The following CCDC148 variants were observed in gnomAD, a reference collection of about 807,000 sequenced individuals.
CCDC148 encodes the protein coiled-coil domain-containing protein 148.
In CCDC148, 89 loss-of-function variants were observed where a neutral mutation model predicts 85.7. The ratio of observed to expected loss-of-function variants is 1.04; its 90% CI spans 0.87 to 1.24. The LOEUF (loss-of-function observed/expected upper bound fraction) is 1.24, where lower values mean the gene tolerates loss of function less well. Among genes scored for constraint, CCDC148 ranks in the 50% most tolerant of loss-of-function variants. CCDC148 has a pLI of 0.00. For synonymous variants in CCDC148, 230 were observed against 213.9 expected, an observed-to-expected ratio of 1.08 and a Z score of -0.66; for missense variants, 692 against 671.7, an observed-to-expected ratio of 1.03 and a Z score of -0.33.
At chr2:158,434,280 G>A (rs114133884) in intron 1 of CCDC148, among the ~76,000 whole-genome samples, 11,353 of 152,264 alleles carry the variant, frequency 0.075, 558 homozygotes, top group Middle Eastern at 0.11. Flanking sequence ...GTGTCCAGAA[G>A]AAGGATCAGG....
Position 158,431,937 on chromosome 2 carries a change from T to G in CCDC148, c.25+24478A>C, listed in dbSNP as rs1687372776. Among the ~76,000 whole-genome samples the G allele has an allele frequency of 2.0e-5, 3 of 151,028 alleles. No homozygotes were observed. The South Asian group carries it at 6.3e-4, about 32-fold the overall frequency. On this transcript the variant is annotated intron_variant, in intron 1 of 13. Transcript: ENST00000283233. ...GGGCAACAGAGCAAGAAAAAAAAAATGATACCAGATGGAAAAAATATGTAG... is the reference window on the plus strand; with the variant it reads ...GGGCAACAGAGCAAGAAAAAAAAAAGGATACCAGATGGAAAAAATATGTAG...
chr2:158,440,144 C>T (rs1342273197), intron 1 of CCDC148, among the ~76,000 whole-genome samples: 1 of 152,042 alleles, frequency 6.6e-6, no homozygotes, highest in Admixed American at 6.6e-5. Flanking sequence ...GCTGAGATTA[C>T]AGGTGTGAGG....
At chr2:158,369,435 T>C (rs1340846304) in intron 1 of CCDC148, among the ~76,000 whole-genome samples, 2 of 152,160 alleles carry the variant, frequency 1.3e-5, no homozygotes, top group African/African-American at 2.4e-5. Flanking sequence ...TTTGTAGCAA[T>C]TGTGAATGGG....
In CCDC148 at chr2:158,250,732, GCATT is replaced by G. The variant is rs750948376; in HGVS notation, c.1251+36_1251+39del. The G allele has an allele frequency of 3.5e-5, 53 of 1,500,628 alleles. 1 individual carries two copies. In the South Asian group the frequency reaches 6.9e-4, roughly 20 times the overall value. 93.0% of individuals were successfully genotyped at this position (1,500,628 alleles called of 1,614,324 possible). ...CCAAAAAGCTCAATCAGGCCATTAAGCATTCATTCACACATTCGTATTGACAATA... is the reference window on the plus strand; with the variant it reads ...CCAAAAAGCTCAATCAGGCCATTAAGCATTCACACATTCGTATTGACAATA... On this transcript the variant is annotated intron_variant, in intron 10 of 13. Transcript: ENST00000283233.
chr2:158,413,817 G>A (rs2105316912), intron 1 of CCDC148, among the ~76,000 whole-genome samples: 1 of 152,216 alleles, frequency 6.6e-6, no homozygotes, highest in East Asian at 1.9e-4. Flanking sequence ...TGTCCCTTGG[G>A]CTGTAATTTG....
intron 9 of CCDC148, among the ~76,000 whole-genome samples, chr2:158,308,185 A>G (rs1375891042): frequency 2.0e-5 from 3 of 152,218 alleles, no homozygotes; most frequent in Non-Finnish European, 4.4e-5. Context: ...CCTAAAGTGC[A>G]CTTGTGCACT....
chr2:158,286,825 A>C (rs1238794467), intron 9 of CCDC148, among the ~76,000 whole-genome samples: 1 of 152,232 alleles, frequency 6.6e-6, no homozygotes, highest in Non-Finnish European at 1.5e-5. Flanking sequence ...CATTAAAAAA[A>C]ACAAGTCTAG....
At chr2:158,417,380 C>G (rs1686548499) in intron 1 of CCDC148, among the ~76,000 whole-genome samples, 1 of 152,230 alleles carries the variant, frequency 6.6e-6, no homozygotes, top group African/African-American at 2.4e-5. Flanking sequence ...AGCTGATGGA[C>G]AGCCCCAGCT....
At chr2:158,400,494 C>T (rs1180933769) in intron 1 of CCDC148, among the ~76,000 whole-genome samples, 12 of 152,066 alleles carry the variant, frequency 7.9e-5, no homozygotes, top group South Asian at 2.1e-4. Flanking sequence ...CTGGGAAAAC[C>T]GGCTAACCAT....
chr2:158,209,773 T>C (rs138452848), intron 11 of CCDC148, among the ~76,000 whole-genome samples: 2,355 of 152,298 alleles, frequency 0.015, 65 homozygotes, highest in African/African-American at 0.049. Flanking sequence ...TGAGAGATTC[T>C]GTCACCACCA....
chr2:158,390,275 A>G (rs1385218728), intron 1 of CCDC148, among the ~76,000 whole-genome samples: 1 of 152,156 alleles, frequency 6.6e-6, no homozygotes, highest in Non-Finnish European at 1.5e-5. Flanking sequence ...TCTTCAGTCA[A>G]GACAAAGGGA....
At chr2:158,433,761 G>T (rs1288162338) in intron 1 of CCDC148, among the ~76,000 whole-genome samples, 1 of 152,130 alleles carries the variant, frequency 6.6e-6, no homozygotes, top group Non-Finnish European at 1.5e-5. Context: ...GGAAAATCAG[G>T]ACACTCACAT....
intron 11 of CCDC148, among the ~76,000 whole-genome samples, chr2:158,201,593 G>A (rs1315322249): frequency 6.6e-6 from 1 of 151,680 alleles, no homozygotes; most frequent in African/African-American, 2.4e-5. Context: ...TCTATTTTTT[G>A]TAGACACAGG....
intron 7 of CCDC148, among the ~76,000 whole-genome samples, chr2:158,328,823 T>C (rs1264846308): frequency 1.3e-5 from 2 of 152,238 alleles, no homozygotes; most frequent in East Asian, 1.9e-4. Context: ...TTTTGAGAAG[T>C]GTCTGTTCAT....
At chr2:158,318,458 A>T (rs1184559993) in intron 7 of CCDC148, among the ~76,000 whole-genome samples, 4 of 152,204 alleles carry the variant, frequency 2.6e-5, no homozygotes, top group African/African-American at 4.8e-5. Context: ...CATTCTTCTG[A>T]AGAATGATGA....
At chr2:158,199,779 G>A (rs766495305) in intron 11 of CCDC148, among the ~76,000 whole-genome samples, 22 of 152,110 alleles carry the variant, frequency 1.4e-4, no homozygotes, top group Non-Finnish European at 1.5e-4. Context: ...TATTGGGAAC[G>A]AGCAAATGTT....
intron 9 of CCDC148, among the ~76,000 whole-genome samples, chr2:158,274,781 T>C (rs1472384278): frequency 6.6e-6 from 1 of 152,218 alleles, no homozygotes; most frequent in Non-Finnish European, 1.5e-5. Flanking sequence ...TTCTGGTGGC[T>C]ATTTGGAAGA....
chr2:158,368,097 C>G (rs986873865), intron 1 of CCDC148, among the ~76,000 whole-genome samples: 39 of 152,026 alleles, frequency 2.6e-4, no homozygotes, highest in African/African-American at 8.2e-4. Context: ...ATACACTGGC[C>G]AAACCCAACC....
chr2:158,329,801 T>C (rs1468510247), intron 7 of CCDC148, among the ~76,000 whole-genome samples: 5 of 152,088 alleles, frequency 3.3e-5, no homozygotes, highest in East Asian at 3.9e-4. Context: ...CATGATTTGG[T>C]TCTCTGTTTG....
Sources: gnomAD v4.1 joint callset for allele counts (sites outside exome capture counted in the v4.1 genomes callset) on GRCh38, gnomAD v4.1.1 for gene constraint, MANE v1.5 for transcripts, NCBI Gene and HGNC (gene_info 2026-07-23, HGNC 2026-07-21) for gene names.